UBAP2L: variants seen among roughly 807,000 people sequenced by gnomAD.
UBAP2L encodes ubiquitin-associated protein 2-like.
UBAP2L carries 12 observed loss-of-function variants against 130.6 expected under a neutral mutation model. The ratio of observed to expected loss-of-function variants is 0.09; its 90% confidence interval spans 0.06 to 0.15. The LOEUF (loss-of-function observed/expected upper bound fraction) is 0.15. Ranked by LOEUF, UBAP2L falls within the 10% of genes least tolerant of loss-of-function variation. UBAP2L has a pLI of 1.00. For missense variants in UBAP2L, 965 were observed against 1,332.5 expected (o/e 0.72, Z 4.29); for synonymous variants, 503 against 524.7 (o/e 0.96, Z 0.57).
intron 2 of UBAP2L, among the ~76,000 whole-genome samples, chr1:154,225,558 C>T (rs1366165722): frequency 1.3e-5 from 2 of 152,038 alleles, no homozygotes; most frequent in Non-Finnish European, 2.9e-5. Flanking sequence ...TAGCCTCAAC[C>T]TCTGGGGCTT....
chr1:154,234,647 C>G lies in UBAP2L; in HGVS notation c.336C>G (p.Gly112=). The change falls in exon 5 of 27, where the codon GGC becomes GGG. Residue 112 remains glycine (G), a synonymous_variant. Transcript: ENST00000428931. The part of the protein sequence containing the change: ...KKGVSGQKDG[G]QTESNEEGKE... The stretch of plus-strand genomic sequence containing the variant: ...GAGTCTCAGGCCAGAAGGATGGTGG[C>G]CAGACGGAATCCAATGAGGAAGGCA... 1 of 1,613,986 alleles carries G rather than the reference C, an allele frequency of 6.2e-7. No individual in the cohort carries two copies. Among genetic ancestry groups the G allele is most frequent in the Non-Finnish European group, 8.5e-7 (1 of 1,179,986 alleles).
At chr1:154,236,851 A>G (rs1406397644) in intron 7 of UBAP2L, among the ~76,000 whole-genome samples, 173 bp from the exon 8 acceptor site, 1 of 152,146 alleles carries the variant, frequency 6.6e-6, no homozygotes, top group Non-Finnish European at 1.5e-5. Flanking sequence ...AGATTATACC[A>G]TGAAATTTTG....
chr1:154,265,031 A>C (rs374859243), intron 24 of UBAP2L, among the ~76,000 whole-genome samples: 1 of 152,140 alleles, frequency 6.6e-6, no homozygotes, highest in East Asian at 1.9e-4. Context: ...CTTTTACTTC[A>C]GTGTCTTTAG....
At chr1:154,240,101 T>C (rs1002641222) in intron 8 of UBAP2L, among the ~76,000 whole-genome samples, 2 of 152,200 alleles carry the variant, frequency 1.3e-5, no homozygotes, top group African/African-American at 4.8e-5. Flanking sequence ...AGCATCTGAA[T>C]GTCAGACTTT....
chr1:154,225,467 CTT>C (rs879670058), intron 2 of UBAP2L, among the ~76,000 whole-genome samples: 3 of 144,386 alleles, frequency 2.1e-5, no homozygotes, highest in Non-Finnish European at 3.1e-5. Flanking sequence ...TGCTTTTTAT[CTT>C]TTTTTTTTTT....
chr1:154,225,362 C>A, intron 2 of UBAP2L, 149 bp downstream of exon 2: 1 of 795,654 alleles, frequency 1.3e-6, no homozygotes, highest in Non-Finnish European at 2.0e-6. Flanking sequence ...TACTTAGGTC[C>A]TGATAACTGT....
chr1:154,255,837 T>C (rs1293235848), intron 18 of UBAP2L, 82 bp downstream of exon 18: 13 of 1,544,442 alleles, frequency 8.4e-6, no homozygotes, highest in African/African-American at 5.4e-5. Context: ...GAGAGAATTA[T>C]TGAAAATTTC....
intron 14 of UBAP2L, among the ~76,000 whole-genome samples, chr1:154,252,967 A>C (rs1558194103): frequency 1.3e-5 from 2 of 152,296 alleles, no homozygotes; most frequent in Non-Finnish European, 2.9e-5. Context: ...AATGTATAGA[A>C]GGGGCCAAGA....
chr1:154,260,791 C>A, intron 22 of UBAP2L, 101 bp from the exon 23 acceptor site: 1 of 1,185,312 alleles, frequency 8.4e-7, no homozygotes, highest in Non-Finnish European at 1.2e-6. Flanking sequence ...CTTTAATAGT[C>A]TTTGAACAGG....
At position 154,270,575 on chromosome 1, in the gene UBAP2L, TC is replaced by T; in HGVS notation, c.*282del. On this transcript the variant is annotated 3_prime_UTR_variant, in exon 27 of 27. Coordinates refer to ENST00000428931, the MANE Select transcript of UBAP2L (RefSeq NM_014847.4). ...GAAACTTTGCTATGGGCCCTGCACT[TC>T]CTTTGCTTCCTCCTGTTCACCCTGG... 1 of 1,419,472 alleles carries T rather than the reference TC, an allele frequency of 7.0e-7. No individual in the cohort carries two copies. The highest frequency in any genetic ancestry group is 9.2e-7 in the Non-Finnish European group (1 of 1,091,118). 87.9% of individuals were successfully genotyped at this position (1,419,472 alleles called of 1,614,324 possible). A position where few individuals can be genotyped will look rare whatever the true frequency, so the allele number is the denominator to read the frequency against.
chr1:154,220,196 AACTCCC>A, upstream of UBAP2L: 1 of 1,046,956 alleles, frequency 9.6e-7, no homozygotes, highest in Non-Finnish European at 1.5e-6. Context: ...AAGTGACTTA[AACTCCC>A]ACCTACTCCT....
chr1:154,242,181 G>C (rs913354710), intron 9 of UBAP2L, among the ~76,000 whole-genome samples: 1 of 152,214 alleles, frequency 6.6e-6, no homozygotes, highest in African/African-American at 2.4e-5. Flanking sequence ...ACCTGAGTAA[G>C]AATTTTGCTG....
chr1:154,220,718 G>C (rs1397516939), upstream of UBAP2L: 1 of 397,930 alleles, frequency 2.5e-6, no homozygotes, highest in Non-Finnish European at 4.6e-6. Flanking sequence ...TCACGTGGTG[G>C]AGGCAGGGCC....
Position 154,257,424 on chromosome 1 carries a change from A to T in UBAP2L, c.2432A>T (p.His811Leu). The T allele has an allele frequency of 1.2e-6, 2 of 1,612,678 alleles. No individual in the cohort carries two copies. Among genetic ancestry groups the T allele is most frequent in the Non-Finnish European group, 1.7e-6 (2 of 1,180,032 alleles). The change falls in exon 20 of 27, where the codon CAT becomes CTT. Residue 811 changes from histidine to leucine, a missense_variant. By Grantham distance (99) the His-to-Leu change is moderately conservative (BLOSUM62 -3). This residue lies in a region of UBAP2L where 393 missense variants were observed against 408.1 expected (regional missense o/e 0.96). Transcript: ENST00000428931. ...NPYIMAPGLL[H>L]AYPPQVYGYD... is the part of the protein sequence containing the mutation. ...TATATTATGGCTCCAGGGCTGTTAC[A>T]TGCCTACCCGGTAAGTGGGACTAAA...
chr1:154,221,000 T>TGCC (rs1558097736), intron 1 of UBAP2L, 25 bp downstream of exon 1: 2 of 192,232 alleles, frequency 1.0e-5, no homozygotes, highest in African/African-American at 4.8e-5. Flanking sequence ...GCAGCGGCGT[T>TGCC]GGCGGCGGCG....
Position 154,270,778 on chromosome 1 carries a change from T to TTTG in UBAP2L, c.*485_*486insGTT. On this transcript the variant is annotated 3_prime_UTR_variant, in exon 27 of 27. Transcript: ENST00000428931. Reference sequence around the variant, plus strand: ...GAAGTGGTTTTTTTTTTGTTTTTTTTTTTTTTTTGTACTGTGTCCTCAAAT... The same window carrying TTTG: ...GAAGTGGTTTTTTTTTTGTTTTTTTTTTGTTTTTTTTGTACTGTGTCCTCAAAT... The TTTG allele has an allele frequency of 7.8e-7, 1 of 1,274,568 alleles. No homozygotes were observed. Among genetic ancestry groups the TTTG allele is most frequent in the South Asian group, 2.1e-5 (1 of 47,102 alleles). The allele number at this position is 1,274,568 out of a possible 1,614,324, so 79.0% of individuals were successfully genotyped here.
intron 11 of UBAP2L, among the ~76,000 whole-genome samples, chr1:154,248,406 C>G (rs963886599): frequency 6.6e-6 from 1 of 151,996 alleles, no homozygotes; most frequent in Admixed American, 6.6e-5. Context: ...TTAGCAGCAT[C>G]GAGATGAGGC....
rs747673955 is a variant in UBAP2L at position 154,270,216 on chromosome 1, G to A, written c.3185G>A (p.Arg1062His). 4.4e-6 allele frequency: 7 copies of A among 1,606,392 alleles called. No homozygotes were observed. Among genetic ancestry groups the A allele is most frequent in the South Asian group, 2.2e-5 (2 of 90,056 alleles). ...CCCCTGCAGACGGGCAGCGGGCAAC[G>A]TAGCCAGACCAGCTCCATCCCGCAG... is the stretch of plus-strand genomic sequence containing the variant. ...QQDGQTGSGQ[R>H]SQTSSIPQKP... Residue 1062 changes from arginine to histidine, a missense_variant, in exon 27 of 27, where the codon CGT becomes CAT. Coordinates refer to ENST00000428931, the MANE Select transcript of UBAP2L (RefSeq NM_014847.4).
At chr1:154,239,652 G>T (rs965411312) in intron 8 of UBAP2L, among the ~76,000 whole-genome samples, 6 of 152,216 alleles carry the variant, frequency 3.9e-5, no homozygotes, top group African/African-American at 1.4e-4. Flanking sequence ...AGGTGTCTAC[G>T]TTCCTCCTTT....
Sources: gnomAD v4.1 joint callset for allele counts (sites outside exome capture counted in the v4.1 genomes callset) on GRCh38, gnomAD v4.1.1 for gene constraint, gnomAD v4.1.1 regional missense constraint, MANE v1.5 for transcripts, NCBI Gene and HGNC (gene_info 2026-07-23, HGNC 2026-07-21) for gene names.